KIF5C: variants seen among roughly 807,000 people sequenced by gnomAD.
KIF5C encodes kinesin family member 5C.
A neutral mutation model predicts 125.2 loss-of-function variants in KIF5C; 18 were observed. That is an observed-to-expected ratio of 0.14 (90% CI 0.10 to 0.21). KIF5C has a LOEUF of 0.21. KIF5C is among the 10% of genes least tolerant of loss of function. The probability of loss-of-function intolerance (pLI) is 1.00; values close to 1 mark genes in which losing one functional copy is unlikely to be tolerated. For missense variants in KIF5C, 780 were observed against 1,183.8 expected, an observed-to-expected ratio of 0.66 and a Z score of 5.01; for synonymous variants, 405 against 434.0, an observed-to-expected ratio of 0.93 and a Z score of 0.83.
intron 1 of KIF5C, among the ~76,000 whole-genome samples, chr2:148,898,874 T>C (rs1463825436): frequency 1.3e-5 from 2 of 152,140 alleles, no homozygotes; most frequent in African/African-American, 4.8e-5. Flanking sequence ...TATTATTTAA[T>C]TTTTTTTACA....
At chr2:148,893,528 C>T (rs1004292691) in intron 1 of KIF5C, among the ~76,000 whole-genome samples, 2 of 152,198 alleles carry the variant, frequency 1.3e-5, no homozygotes, top group African/African-American at 4.8e-5. Flanking sequence ...ATGAGGTTCC[C>T]TCTTCTTCGA....
chr2:148,879,997 T>G (rs1322633889), intron 1 of KIF5C: 1 of 152,190 alleles, frequency 6.6e-6, no homozygotes, highest in African/African-American at 2.4e-5. Flanking sequence ...GCGCCTGAGT[T>G]AGGATTTTAG....
At chr2:148,900,614 T>A (rs1051028245) in intron 1 of KIF5C, among the ~76,000 whole-genome samples, 2 of 152,208 alleles carry the variant, frequency 1.3e-5, no homozygotes, top group African/African-American at 4.8e-5. Context: ...AAATGAAGTT[T>A]GCATTCAGTC....
At chr2:149,011,214 G>T (rs1574836839) in intron 24 of KIF5C, among the ~76,000 whole-genome samples, 1 of 152,280 alleles carries the variant, frequency 6.6e-6, no homozygotes, top group Non-Finnish European at 1.5e-5. Flanking sequence ...CAGCATCACA[G>T]GCAGAATTCT....
intron 18 of KIF5C, 53 bp from the exon 19 acceptor site, chr2:148,998,346 AG>A: frequency 6.4e-7 from 1 of 1,550,832 alleles, no homozygotes; most frequent in Non-Finnish European, 8.7e-7. Context: ...CTTGTCACAG[AG>A]TGGGCTGAGT....
chr2:149,002,383 G>T (rs1374003328), intron 21 of KIF5C, among the ~76,000 whole-genome samples: 2 of 152,140 alleles, frequency 1.3e-5, no homozygotes, highest in African/African-American at 4.8e-5. Flanking sequence ...GGGCTCACAA[G>T]TCCCTTGCCC....
At chr2:148,970,871 C>G (rs913052872) in intron 11 of KIF5C, among the ~76,000 whole-genome samples, 1 of 152,218 alleles carries the variant, frequency 6.6e-6, no homozygotes, top group African/African-American at 2.4e-5. Context: ...AACCAAAGAA[C>G]ACAGGGAATA....
At chr2:149,002,768 C>T (rs1416023789) in intron 21 of KIF5C, among the ~76,000 whole-genome samples, 2 of 152,234 alleles carry the variant, frequency 1.3e-5, no homozygotes, top group South Asian at 2.1e-4. Flanking sequence ...CAACCACCTC[C>T]GTTCACAGGC....
intron 21 of KIF5C, among the ~76,000 whole-genome samples, 190 bp from the exon 22 acceptor site, chr2:149,005,203 C>G (rs1356369139): frequency 1.3e-5 from 2 of 152,026 alleles, no homozygotes; most frequent in African/African-American, 4.8e-5. Context: ...GGCTCTGCAC[C>G]TCAAGGTGCT....
chr2:148,902,161 T>C (rs73966631), intron 1 of KIF5C, among the ~76,000 whole-genome samples: 27,324 of 151,980 alleles, frequency 0.18, 4,070 homozygotes, highest in African/African-American at 0.41. Context: ...GTCTGTGCAG[T>C]GACTGTGCAA....
chr2:148,959,578 G>A (rs1682876682), intron 10 of KIF5C, among the ~76,000 whole-genome samples: 1 of 152,172 alleles, frequency 6.6e-6, no homozygotes, highest in Non-Finnish European at 1.5e-5. Flanking sequence ...GCTGAATGAA[G>A]TCTCGGGCTC....
chr2:148,896,150 C>T (rs1481096647), intron 1 of KIF5C, among the ~76,000 whole-genome samples: 1 of 152,180 alleles, frequency 6.6e-6, no homozygotes, highest in East Asian at 1.9e-4. Flanking sequence ...AACTCAGACC[C>T]ATCCTCTGAA....
chr2:149,000,321 T>C, intron 19 of KIF5C, 102 bp from the exon 20 acceptor site: 1 of 1,389,698 alleles, frequency 7.2e-7, no homozygotes, highest in South Asian at 1.5e-5. Context: ...ACTGCCTTTA[T>C]TGTACAGAGC....
chr2:148,875,776 C>T (rs1313043718), intron 1 of KIF5C, 33 bp downstream of exon 1: 1 of 1,583,842 alleles, frequency 6.3e-7, no homozygotes, highest in South Asian at 1.2e-5. Context: ...TTCCCTGCTG[C>T]TCCGCGCCGC....
intron 3 of KIF5C, among the ~76,000 whole-genome samples, chr2:148,935,663 T>A (rs550479372): frequency 6.6e-6 from 1 of 152,238 alleles, no homozygotes; most frequent in Non-Finnish European, 1.5e-5. Flanking sequence ...TAGAAATGTG[T>A]TTCAGTCTCT....
chr2:149,018,754 A>C (rs993356565), intron 25 of KIF5C, among the ~76,000 whole-genome samples: 1 of 152,084 alleles, frequency 6.6e-6, no homozygotes, highest in African/African-American at 2.4e-5. Flanking sequence ...TGGGAAATTG[A>C]GCCCAGTAAT....
At chr2:148,944,575 A>G (rs1682481588) in intron 7 of KIF5C, among the ~76,000 whole-genome samples, 2 of 152,190 alleles carry the variant, frequency 1.3e-5, no homozygotes, top group African/African-American at 4.8e-5. Flanking sequence ...ACATTTTGGC[A>G]GTTGTGAATA....
chr2:148,903,465 T>C (rs1176533665), intron 1 of KIF5C, among the ~76,000 whole-genome samples: 1 of 152,212 alleles, frequency 6.6e-6, no homozygotes, highest in East Asian at 1.9e-4. Flanking sequence ...ACCCTTTAAC[T>C]GCTCCTTAGT....
intron 4 of KIF5C, among the ~76,000 whole-genome samples, chr2:148,938,033 G>C (rs1682327017): frequency 6.6e-6 from 1 of 152,094 alleles, no homozygotes; most frequent in Admixed American, 6.5e-5. Context: ...ACCAAAACTT[G>C]TTATATGACT....
Sources: gnomAD v4.1 joint callset for allele counts (sites outside exome capture counted in the v4.1 genomes callset) on GRCh38, gnomAD v4.1.1 for gene constraint, MANE v1.5 for transcripts, NCBI Gene and HGNC (gene_info 2026-07-23, HGNC 2026-07-21) for gene names.